Variants in REG4 observed in about 807,000 individuals in gnomAD.
REG4 encodes the protein regenerating islet-derived protein 4.
REG4 carries 16 observed loss-of-function variants against 22.3 expected under a neutral mutation model. The ratio of observed to expected loss-of-function variants is 0.72; its 90% CI spans 0.49 to 1.09. REG4 has a LOEUF of 1.09. Ranked by LOEUF, REG4 falls within the 50% of genes least tolerant of loss-of-function variation. The pLI is 0.00. For missense variants in REG4, 214 were observed against 193.9 expected (o/e 1.10, Z -0.61); for synonymous variants, 71 against 69.2 (o/e 1.03, Z -0.13).
rs1474921901 is a variant in REG4, at chr1:119,794,608, G to C, written c.*10C>G. The C allele has an allele frequency of 6.2e-7, 1 of 1,612,562 alleles. No homozygotes were observed. The highest frequency in any genetic ancestry group is 1.3e-5 in the African/African-American group (1 of 75,030). ...GCTGTGCAGGAGTTAGCAGAATCTTGATTCTTGCTCTATGGTCGGTACTTG... is the reference window on the plus strand; with the variant it reads ...GCTGTGCAGGAGTTAGCAGAATCTTCATTCTTGCTCTATGGTCGGTACTTG... On this transcript the variant is annotated 3_prime_UTR_variant, in exon 6 of 6. Coordinates refer to ENST00000256585, the MANE Select transcript of REG4 (RefSeq NM_032044.4).
At position 119,808,821 on chromosome 1, in the gene REG4, T is replaced by C. The variant is rs765683974; in HGVS notation, c.-52A>G. On this transcript the variant is annotated 5_prime_UTR_variant, in exon 2 of 6. Coordinates refer to ENST00000256585, the MANE Select transcript of REG4 (RefSeq NM_032044.4). ...AGTGCAAGGATCTCAGAGACCTTAC[T>C]AGCGCTTCTTTGAAACTCCTGGGTT... The C allele has an allele frequency of 6.6e-6, 9 of 1,371,648 alleles. No individual in the cohort carries two copies. Among genetic ancestry groups the C allele is most frequent in the South Asian group, 4.8e-5 (4 of 83,016 alleles). 85.0% of individuals were successfully genotyped at this position (1,371,648 alleles called of 1,614,324 possible).
Position 119,808,705 on chromosome 1 carries a change from C to T in REG4, c.65G>A (p.Gly22Asp), listed in dbSNP as rs746500336. 1 of 1,612,916 alleles carries T rather than the reference C, an allele frequency of 6.2e-7. No individual in the cohort carries two copies. Among genetic ancestry groups the T allele is most frequent in the Non-Finnish European group, 8.5e-7 (1 of 1,178,954 alleles). ...LSCLAKTGVLGDIIMRPSCAP... is the reference protein window; with the variant it reads ...LSCLAKTGVLDDIIMRPSCAP... ...CCAGCTACGTGATGGATACTCACCA[C>T]CCAGGACTCCTGTTTTGGCCAGGCA... is the stretch of plus-strand genomic sequence containing the variant. Residue 22 changes from glycine to aspartate, a missense_variant and splice_region_variant, in exon 2 of 6, where the codon GGT becomes GAT. Transcript: ENST00000256585.
chr1:119,804,286 C>A (rs776886338), intron 2 of REG4, among the ~76,000 whole-genome samples: 19 of 152,214 alleles, frequency 1.2e-4, no homozygotes, highest in Non-Finnish European at 2.2e-4. Context: ...TTTATTTCAG[C>A]CCCTGCCTAT....
chr1:119,799,725 C>T lies in REG4; in HGVS notation c.303G>A (p.Lys101=). 1.2e-6 allele frequency: 2 copies of T among 1,613,218 alleles called. No individual in the cohort carries two copies. Among genetic ancestry groups the T allele is most frequent in the Non-Finnish European group, 1.7e-6 (2 of 1,179,604 alleles). Residue 101 remains lysine (K), a splice_region_variant and synonymous_variant, in exon 4 of 6, where the codon AAG becomes AAA. Coordinates refer to ENST00000256585, the MANE Select transcript of REG4 (RefSeq NM_032044.4). ...CCTTTGTGGCCAAGTCTGAGGTTAC[C>T]TTCTGTGGGTCGTGCAGGCCAATCC... ...PIWIGLHDPQ[K]RQQWQWIDGA...
chr1:119,800,802 T>A (rs938267699), intron 3 of REG4, among the ~76,000 whole-genome samples: 1 of 152,132 alleles, frequency 6.6e-6, no homozygotes, highest in South Asian at 2.1e-4. Context: ...GAGGTGAATA[T>A]GCCCACCCCT....
intron 1 of REG4, among the ~76,000 whole-genome samples, chr1:119,809,901 T>G (rs919254841): frequency 2.0e-5 from 3 of 152,186 alleles, no homozygotes; most frequent in Non-Finnish European, 4.4e-5. Flanking sequence ...TTTTAAAATA[T>G]TTTATAATTA....
At position 119,795,006 on chromosome 1, in the gene REG4, T is replaced by G. The variant is rs1653894230; in HGVS notation, c.410-321A>C. ...AGAAATTCTGCCTCCAGACCGTCTT[T>G]GGACTCAAGACAACAACATTAAGTC... On this transcript the variant is annotated intron_variant, in intron 5 of 5. Coordinates refer to ENST00000256585, the MANE Select transcript of REG4 (RefSeq NM_032044.4). 1.3e-5 allele frequency among the ~76,000 whole-genome samples: 2 copies of G among 152,312 alleles called. 1 individual carries two copies. The highest frequency in any genetic ancestry group is 2.9e-5 in the Non-Finnish European group (2 of 68,030).
chr1:119,804,850 T>C (rs587689393), intron 2 of REG4, among the ~76,000 whole-genome samples: 45 of 152,234 alleles, frequency 3.0e-4, no homozygotes, highest in African/African-American at 1.1e-3. Context: ...CCCTCCTCCT[T>C]CCTCACTTTT....
At chr1:119,797,940 A>T (rs1272320748) in intron 5 of REG4, among the ~76,000 whole-genome samples, 1 of 152,116 alleles carries the variant, frequency 6.6e-6, no homozygotes, top group Admixed American at 6.6e-5. Context: ...GCATAAAGAC[A>T]AAGAATGAAA....
intron 5 of REG4, among the ~76,000 whole-genome samples, chr1:119,798,196 T>A (rs1412353133): frequency 6.6e-6 from 1 of 152,140 alleles, no homozygotes; most frequent in Non-Finnish European, 1.5e-5. Flanking sequence ...ATCCCTCTCA[T>A]GGTATAGAAT....
intron 4 of REG4, 25 bp downstream of exon 4, chr1:119,799,700 C>G (rs371715163): frequency 6.2e-7 from 1 of 1,606,710 alleles, no homozygotes; most frequent in Non-Finnish European, 8.5e-7. Flanking sequence ...CCCAAGAGGG[C>G]CTTTGTGGCC....
At chr1:119,809,879 A>G (rs901276148) in intron 1 of REG4, among the ~76,000 whole-genome samples, 4 of 152,312 alleles carry the variant, frequency 2.6e-5, no homozygotes, top group African/African-American at 9.6e-5. Context: ...ATATTAAAGA[A>G]GAACCTTAGT....
intron 2 of REG4, among the ~76,000 whole-genome samples, chr1:119,807,132 T>C (rs1292502975): frequency 6.6e-6 from 1 of 152,216 alleles, no homozygotes; most frequent in Non-Finnish European, 1.5e-5. Flanking sequence ...ATGCCATGAA[T>C]TGCTTCAGGT....
intron 3 of REG4, 34 bp from the exon 4 acceptor site, chr1:119,799,896 T>C (rs1220594273): frequency 6.2e-7 from 1 of 1,611,358 alleles, no homozygotes; most frequent in Non-Finnish European, 8.5e-7. Context: ...TAATTATGCC[T>C]GCATGTTTAA....
chr1:119,798,704 C>A (rs1044077537), intron 4 of REG4, 102 bp from the exon 5 acceptor site: 1 of 786,876 alleles, frequency 1.3e-6, no homozygotes. Context: ...TCATTGCAAA[C>A]ATTGGGAAAG....
At chr1:119,806,587 A>G (rs1654325735) in intron 2 of REG4, among the ~76,000 whole-genome samples, 1 of 152,206 alleles carries the variant, frequency 6.6e-6, no homozygotes, top group Non-Finnish European at 1.5e-5. Flanking sequence ...TTTCCATTGT[A>G]CAGAGAAGAG....
At chr1:119,808,489 G>T (rs187155677) in intron 2 of REG4, among the ~76,000 whole-genome samples, 19 of 152,288 alleles carry the variant, frequency 1.2e-4, no homozygotes, top group African/African-American at 4.1e-4. Flanking sequence ...CTTAACTGAT[G>T]ATTTAAGTAT....
intron 5 of REG4, among the ~76,000 whole-genome samples, chr1:119,795,954 A>G (rs925431144): frequency 6.6e-6 from 1 of 152,228 alleles, no homozygotes; most frequent in Non-Finnish European, 1.5e-5. Flanking sequence ...CAAACAATCA[A>G]GCACAGCCCA....
intron 3 of REG4, 146 bp downstream of exon 3, chr1:119,802,922 C>T (rs1416142783): frequency 7.7e-6 from 12 of 1,558,324 alleles, no homozygotes; most frequent in South Asian, 1.2e-5. Flanking sequence ...GAACACACAA[C>T]CCTCTTCTCT....
Sources: allele counts gnomAD v4.1 joint callset (sites outside exome capture counted in the v4.1 genomes callset), GRCh38; gene constraint gnomAD v4.1.1; transcripts MANE v1.5; gene names NCBI Gene and HGNC (gene_info 2026-07-23, HGNC 2026-07-21).